Variants in SPON1 observed in about 807,000 individuals in gnomAD.
The protein encoded by SPON1 is spondin 1.
Under a neutral mutation model 111.7 loss-of-function variants are expected in SPON1, and 52 were observed. The ratio of observed to expected loss-of-function variants is 0.47; its 90% CI spans 0.37 to 0.59. SPON1 has a LOEUF of 0.59. Ranked by LOEUF, SPON1 falls within the 20% of genes least tolerant of loss-of-function variation. The pLI, the probability that SPON1 is intolerant of heterozygous loss-of-function variation, is 0.00. For synonymous variants in SPON1, 410 were observed against 395.8 expected (o/e 1.04, Z -0.43); for missense variants, 957 against 1,068.5 (o/e 0.90, Z 1.46).
At chr11:14,099,623 G>A (rs1849128023) in intron 5 of SPON1, among the ~76,000 whole-genome samples, 1 of 152,118 alleles carries the variant, frequency 6.6e-6, no homozygotes, top group South Asian at 2.1e-4. Context: ...AAATTTCTAA[G>A]TAGTCAGAGA....
chr11:14,255,580 A>T, intron 8 of SPON1, 67 bp from the exon 9 acceptor site: 1 of 1,519,028 alleles, frequency 6.6e-7, no homozygotes. Context: ...GATCCATATA[A>T]CAAATGGCTT....
intron 6 of SPON1, among the ~76,000 whole-genome samples, chr11:14,218,455 T>A (rs1848648089): frequency 6.6e-6 from 1 of 152,106 alleles, no homozygotes; most frequent in South Asian, 2.1e-4. Context: ...TAAAATATGA[T>A]CTCCCTGAGG....
chr11:13,986,581 CTTT>C (rs370430969), intron 2 of SPON1, among the ~76,000 whole-genome samples: 4 of 143,338 alleles, frequency 2.8e-5, no homozygotes, highest in African/African-American at 5.1e-5. Flanking sequence ...TCTGAATATT[CTTT>C]TTTTTTTTTT....
intron 5 of SPON1, among the ~76,000 whole-genome samples, chr11:14,118,087 C>T (rs1388836447): frequency 1.3e-5 from 2 of 152,144 alleles, no homozygotes; most frequent in Admixed American, 6.5e-5. Context: ...AAAAAATGAA[C>T]TAATGGGGGT....
intron 5 of SPON1, among the ~76,000 whole-genome samples, chr11:14,109,952 T>TA (rs1490196955): frequency 6.6e-6 from 1 of 152,234 alleles, no homozygotes; most frequent in East Asian, 1.9e-4. Flanking sequence ...TACTCCTGCG[T>TA]CACAGCACAG....
At chr11:14,075,250 A>G (rs1350172368) in intron 3 of SPON1, 95 bp from the exon 4 acceptor site, 2 of 906,278 alleles carry the variant, frequency 2.2e-6, no homozygotes, top group Non-Finnish European at 3.5e-6. Flanking sequence ...ACTCACTCAA[A>G]GCCACAAAGC....
intron 1 of SPON1, among the ~76,000 whole-genome samples, chr11:13,980,229 ATGGGGTTTCACCATGT>A (rs1554909452): frequency 6.6e-6 from 1 of 151,954 alleles, no homozygotes; most frequent in Admixed American, 6.6e-5. Context: ...TTTAGTAGAG[ATGGGGTTTCACCATGT>A]TGGCCAGGCT....
intron 6 of SPON1, among the ~76,000 whole-genome samples, chr11:14,171,155 A>G (rs1215084108): frequency 6.6e-6 from 1 of 152,194 alleles, no homozygotes; most frequent in Non-Finnish European, 1.5e-5. Context: ...GCTATTAATT[A>G]TTGCCTCAAT....
At chr11:14,091,699 T>C (rs954142602) in intron 5 of SPON1, among the ~76,000 whole-genome samples, 5 of 151,824 alleles carry the variant, frequency 3.3e-5, no homozygotes, top group African/African-American at 9.7e-5. Context: ...CGGTTCTCGC[T>C]CGCACCTTTC....
intron 5 of SPON1, among the ~76,000 whole-genome samples, chr11:14,112,159 T>C (rs1554925528): frequency 2.6e-5 from 4 of 151,174 alleles, no homozygotes; most frequent in Non-Finnish European, 2.9e-5. Flanking sequence ...AAGCCTTACA[T>C]TGACCAAGGT....
chr11:14,217,303 A>G (rs575049813), intron 6 of SPON1, among the ~76,000 whole-genome samples: 62 of 152,238 alleles, frequency 4.1e-4, no homozygotes, highest in South Asian at 8.3e-4. Context: ...TCTGCTTTAT[A>G]TATTGGAGTT....
chr11:14,237,671 G>C (rs1280035130), intron 6 of SPON1, among the ~76,000 whole-genome samples: 2 of 152,224 alleles, frequency 1.3e-5, no homozygotes, highest in Non-Finnish European at 2.9e-5. Context: ...TTTGCAATTA[G>C]TGGCACTGGG....
At chr11:14,160,186 A>T (rs1377571184) in intron 6 of SPON1, among the ~76,000 whole-genome samples, 7 of 150,086 alleles carry the variant, frequency 4.7e-5, no homozygotes, top group African/African-American at 9.8e-5. Flanking sequence ...ATTTTTTTAA[A>T]TTTTTTTTAA....
At chr11:14,250,404 C>A (rs1849040636) in intron 7 of SPON1, among the ~76,000 whole-genome samples, 5 of 148,072 alleles carry the variant, frequency 3.4e-5, no homozygotes, top group Admixed American at 3.4e-4. Context: ...AAATGTGAAT[C>A]CAGTTTTTTT....
intron 2 of SPON1, among the ~76,000 whole-genome samples, chr11:14,020,008 A>G (rs59319616): frequency 0.037 from 5,655 of 152,282 alleles, 356 homozygotes; most frequent in African/African-American, 0.13. Flanking sequence ...AAGGAACAGG[A>G]TAGCCATAAT....
intron 10 of SPON1, 61 bp downstream of exon 10, chr11:14,256,753 A>G: frequency 7.6e-7 from 1 of 1,313,754 alleles, no homozygotes. Flanking sequence ...TTGAGAAAGC[A>G]ATTTGCTAAC....
At chr11:14,176,332 C>T (rs1848174603) in intron 6 of SPON1, among the ~76,000 whole-genome samples, 2 of 152,174 alleles carry the variant, frequency 1.3e-5, no homozygotes, top group Admixed American at 1.3e-4. Flanking sequence ...CTCCTATTCT[C>T]CGTCTGAGAA....
intron 5 of SPON1, among the ~76,000 whole-genome samples, chr11:14,095,878 A>T (rs1479063421): frequency 6.6e-6 from 1 of 152,240 alleles, no homozygotes; most frequent in Non-Finnish European, 1.5e-5. Context: ...CATACAATGA[A>T]CAATAATCCC....
chr11:14,028,344 G>A (rs1206158936), intron 2 of SPON1, among the ~76,000 whole-genome samples: 6 of 151,674 alleles, frequency 4.0e-5, no homozygotes, highest in South Asian at 2.1e-4. Context: ...ATATTACCTC[G>A]GCATGGTGGC....
Sources: allele counts gnomAD v4.1 joint callset (sites outside exome capture counted in the v4.1 genomes callset), GRCh38; gene constraint gnomAD v4.1.1; transcripts MANE v1.5; gene names NCBI Gene and HGNC (gene_info 2026-07-23, HGNC 2026-07-21).